Variants in HTD2 observed in about 807,000 individuals in gnomAD.
HTD2 encodes hydroxyacyl-thioester dehydratase type 2.
HTD2 carries 1 observed loss-of-function variant against 3.1 expected under a neutral mutation model. The observed-to-expected ratio is 0.32, with a 90% confidence interval of 0.11 to 1.52. The LOEUF (loss-of-function observed/expected upper bound fraction) is 1.52, where lower values mean the gene tolerates loss of function less well. Ranked by LOEUF, HTD2 falls within the 40% of genes most tolerant of loss-of-function variation. The pLI, the probability that HTD2 is intolerant of heterozygous loss-of-function variation, is 0.39. For synonymous variants in HTD2, 50 were observed against 28.9 expected, an observed-to-expected ratio of 1.73 and a Z score of -2.34; for missense variants, 150 against 79.6, an observed-to-expected ratio of 1.88 and a Z score of -3.36.
chr3:58,316,661 C>G, intron 3 of HTD2, 70 bp downstream of exon 3: 1 of 1,362,130 alleles, frequency 7.3e-7, no homozygotes, highest in Non-Finnish European at 1.0e-6. Flanking sequence ...ATGCTCTCTT[C>G]TGAGAATGAG....
At chr3:58,311,040 G>C (rs1292257677) in intron 2 of HTD2, among the ~76,000 whole-genome samples, 1 of 150,886 alleles carries the variant, frequency 6.6e-6, no homozygotes, top group East Asian at 1.9e-4. Context: ...AAACACATTT[G>C]TATTCCTTTT....
chr3:58,310,934 A>C (rs1175810059), intron 2 of HTD2, among the ~76,000 whole-genome samples: 1 of 150,298 alleles, frequency 6.7e-6, no homozygotes, highest in African/African-American at 2.5e-5. Context: ...GTCACAAAAA[A>C]AAAAATCGAG....
chr3:58,316,872 CTCTG>C (rs771912004), intron 3 of HTD2, 39 bp from the exon 4 acceptor site: 34 of 1,490,094 alleles, frequency 2.3e-5, no homozygotes, highest in African/African-American at 2.8e-5. Flanking sequence ...TCATTTTGTT[CTCTG>C]TCTATGACAC....
At position 58,318,498 on chromosome 3, in the gene HTD2, A is replaced by T. The variant is rs1325229905; in HGVS notation, c.*378A>T. 5 of 147,606 alleles carry T rather than the reference A, an allele frequency of 3.4e-5. No individual in the cohort carries two copies. The highest frequency in any genetic ancestry group is 2.7e-4 in the Admixed American group (4 of 14,762). The allele number at this position is 147,606 out of a possible 1,614,324, so 9.1% of individuals were successfully genotyped here. A position where few individuals can be genotyped will look rare whatever the true frequency, so the allele number is the denominator to read the frequency against. On this transcript the variant is annotated 3_prime_UTR_variant, in exon 5 of 5. Coordinates refer to ENST00000461393, the MANE Select transcript of HTD2 (RefSeq NM_001348712.2). ...CATGGTGAAACCCCATCTCTACCAAAAAAAAAAAAAAAAAAAAAGTGCAAC... is the reference window on the plus strand; with the variant it reads ...CATGGTGAAACCCCATCTCTACCAATAAAAAAAAAAAAAAAAAAGTGCAAC...
Position 58,306,551 on chromosome 3 carries a change from T to C in HTD2, c.-516T>C, listed in dbSNP as rs1292278593. On this transcript the variant is annotated 5_prime_UTR_variant, in exon 1 of 5. Transcript: ENST00000461393. ...TCCGACCCCGGGCGCTGAGGGCCTC[T>C]GTACGGCGCCGCGTAGGGTCTCGGC... 6.6e-6 allele frequency: 1 copy of C among 152,222 alleles called. No individual in the cohort carries two copies. Among genetic ancestry groups the C allele is most frequent in the Non-Finnish European group, 1.5e-5 (1 of 68,048 alleles). The allele number at this position is 152,222 out of a possible 1,614,324, so 9.4% of individuals were successfully genotyped here.
chr3:58,314,698 T>G (rs998235711), intron 2 of HTD2, among the ~76,000 whole-genome samples: 3 of 145,546 alleles, frequency 2.1e-5, no homozygotes, highest in African/African-American at 5.2e-5. Context: ...TTTTTTTTTT[T>G]TTGTTGAGAT....
intron 2 of HTD2, among the ~76,000 whole-genome samples, chr3:58,313,598 G>A (rs1187568979): frequency 6.6e-6 from 1 of 151,940 alleles, no homozygotes; most frequent in Non-Finnish European, 1.5e-5. Flanking sequence ...CCAAGCGGGT[G>A]GATCACTTGA....
chr3:58,310,164 A>G, intron 1 of HTD2: 1 of 617,088 alleles, frequency 1.6e-6, no homozygotes, highest in East Asian at 2.8e-5. Flanking sequence ...CTCTGATTGT[A>G]CCACTGCACT....
In HTD2 at chr3:58,319,667, A is replaced by G. The variant is rs898011765; in HGVS notation, c.*1547A>G. Reference sequence around the variant, plus strand: ...AAAATTGTAAGAAATAAATATTAAGAAGATTATGGAGGCCAAATTCTTAAG... The same window carrying G: ...AAAATTGTAAGAAATAAATATTAAGGAGATTATGGAGGCCAAATTCTTAAG... On this transcript the variant is annotated 3_prime_UTR_variant, in exon 5 of 5. Transcript: ENST00000461393. 1 of 152,066 alleles carries G rather than the reference A, an allele frequency of 6.6e-6. No individual in the cohort carries two copies. The highest frequency in any genetic ancestry group is 1.5e-5 in the Non-Finnish European group (1 of 68,012). 9.4% of individuals were successfully genotyped at this position (152,066 alleles called of 1,614,324 possible). A position where few individuals can be genotyped will look rare whatever the true frequency, so the allele number is the denominator to read the frequency against.
intron 2 of HTD2, among the ~76,000 whole-genome samples, chr3:58,315,291 A>G (rs1280530701): frequency 6.6e-6 from 1 of 151,812 alleles, no homozygotes; most frequent in Non-Finnish European, 1.5e-5. Flanking sequence ...ATCCCAAAAC[A>G]TGACATACTG....
intron 2 of HTD2, among the ~76,000 whole-genome samples, chr3:58,312,477 A>G (rs2097483401): frequency 6.6e-6 from 1 of 152,052 alleles, no homozygotes; most frequent in Non-Finnish European, 1.5e-5. Flanking sequence ...AAATTGCAGA[A>G]GTAAACTTTC....
chr3:58,306,852 G>A (rs4681842), intron 1 of HTD2, among the ~76,000 whole-genome samples: 117,347 of 152,160 alleles, frequency 0.77, 45,879 homozygotes, highest in East Asian at 1. Context: ...TTTTGTTGGG[G>A]TGGGGAGGGG....
chr3:58,315,271 A>C (rs2097487070), intron 2 of HTD2, among the ~76,000 whole-genome samples: 1 of 152,158 alleles, frequency 6.6e-6, no homozygotes, highest in African/African-American at 2.4e-5. Flanking sequence ...TGCTGAGCGA[A>C]AAAAAGCCAA....
intron 2 of HTD2, among the ~76,000 whole-genome samples, chr3:58,311,707 C>T (rs2097482436): frequency 6.7e-6 from 1 of 148,752 alleles, no homozygotes; most frequent in Non-Finnish European, 1.5e-5. Context: ...GTGCATATGT[C>T]CTTTTTTTTT....
rs186840230 is a variant in HTD2 at position 58,309,109 on chromosome 3, G to T, written c.-415-1398G>T. On this transcript the variant is annotated intron_variant, in intron 1 of 4. Coordinates refer to ENST00000461393, the MANE Select transcript of HTD2 (RefSeq NM_001348712.2). The stretch of plus-strand genomic sequence containing the variant: ...GACCTGGCTTTTGGACTGAGAGCAG[G>T]CAGACACAGGATGGGAGGAGACGGC... 2.9e-3 allele frequency among the ~76,000 whole-genome samples: 443 copies of T among 152,348 alleles called. 3 individuals carry two copies. Among genetic ancestry groups the T allele is most frequent in the African/African-American group, 9.9e-3 (410 of 41,584 alleles).
intron 4 of HTD2, 26 bp from the exon 5 acceptor site, chr3:58,317,414 C>T (rs1267967633): frequency 6.5e-7 from 1 of 1,536,494 alleles, no homozygotes; most frequent in South Asian, 1.1e-5. Context: ...TCTCCCAATG[C>T]CTTAACCTTT....
At position 58,316,607 on chromosome 3, in the gene HTD2, G is replaced by T; in HGVS notation, c.-254+16G>T. The T allele has an allele frequency of 6.2e-7, 1 of 1,605,710 alleles. No individual in the cohort carries two copies. Among genetic ancestry groups the T allele is most frequent in the Non-Finnish European group, 8.5e-7 (1 of 1,172,532 alleles). ...TATGTAGCAGGTATGACAGAGAGTG[G>T]GAAATTTCTAGTATAACAGGGCAGA... On this transcript the variant is annotated intron_variant, in intron 3 of 4. Transcript: ENST00000461393.
chr3:58,307,739 G>T (rs1174953214), intron 1 of HTD2: 1 of 152,152 alleles, frequency 6.6e-6, no homozygotes, highest in Non-Finnish European at 1.5e-5. Context: ...CAGTAACTTC[G>T]TGAGCCCACA....
chr3:58,310,288 A>G (rs1307596762), intron 1 of HTD2: 1 of 1,565,156 alleles, frequency 6.4e-7, no homozygotes, highest in Non-Finnish European at 8.8e-7. Flanking sequence ...GGTCATTTCT[A>G]GCCCTCTTGA....
Sources: gnomAD v4.1 joint callset for allele counts (sites outside exome capture counted in the v4.1 genomes callset) on GRCh38, gnomAD v4.1.1 for gene constraint, MANE v1.5 for transcripts, NCBI Gene and HGNC (gene_info 2026-07-23, HGNC 2026-07-21) for gene names.